The following DOCK3 variants were observed in gnomAD, a reference collection of about 807,000 sequenced individuals.
The protein encoded by DOCK3 is dedicator of cytokinesis 3.
A neutral mutation model predicts 265.6 loss-of-function variants in DOCK3; 60 were observed. That is an observed-to-expected ratio of 0.23 (90% CI 0.18 to 0.28). DOCK3 has a LOEUF of 0.28. Ranked by LOEUF, DOCK3 falls within the 10% of genes least tolerant of loss-of-function variation. The pLI is 1.00. For missense variants in DOCK3, 1,981 were observed against 2,594.3 expected (o/e 0.76, Z 5.14); for synonymous variants, 881 against 938.0 (o/e 0.94, Z 1.11).
At chr3:51,068,016 A>G (rs2081668119) in intron 6 of DOCK3, among the ~76,000 whole-genome samples, 1 of 152,204 alleles carries the variant, frequency 6.6e-6, no homozygotes, top group Admixed American at 6.5e-5. Flanking sequence ...ACATGTTAGC[A>G]TGTGAATCAG....
intron 4 of DOCK3, among the ~76,000 whole-genome samples, chr3:50,928,455 A>G (rs770465002): frequency 2.0e-5 from 3 of 152,146 alleles, no homozygotes; most frequent in Non-Finnish European, 2.9e-5. Flanking sequence ...TGATTCATCT[A>G]TGTTGTAGAA....
At chr3:51,253,057 G>C (rs2079346103) in intron 22 of DOCK3, among the ~76,000 whole-genome samples, 1 of 152,186 alleles carries the variant, frequency 6.6e-6, no homozygotes, top group Non-Finnish European at 1.5e-5. Context: ...AGTTTGTTGA[G>C]AGTTTTTAGC....
At chr3:50,720,563 T>C (rs1490074899) in intron 1 of DOCK3, among the ~76,000 whole-genome samples, 1 of 152,226 alleles carries the variant, frequency 6.6e-6, no homozygotes, top group Non-Finnish European at 1.5e-5. Flanking sequence ...AGATTGATTC[T>C]ATGTTTTTGC....
At chr3:51,245,247 G>A (rs988467185) in intron 21 of DOCK3, among the ~76,000 whole-genome samples, 2 of 152,104 alleles carry the variant, frequency 1.3e-5, no homozygotes, top group African/African-American at 4.8e-5. Context: ...TGAGACACAA[G>A]AATTGCTTGG....
chr3:50,784,929 G>T (rs2108558289), intron 2 of DOCK3, among the ~76,000 whole-genome samples: 1 of 152,296 alleles, frequency 6.6e-6, no homozygotes, highest in Non-Finnish European at 1.5e-5. Context: ...AGCCAAGGCG[G>T]GCAGATCACC....
chr3:51,074,414 A>T (rs1404859704), intron 6 of DOCK3, among the ~76,000 whole-genome samples: 1 of 152,164 alleles, frequency 6.6e-6, no homozygotes, highest in Non-Finnish European at 1.5e-5. Flanking sequence ...GTCCAGAGTT[A>T]TTTCCACTGC....
intron 1 of DOCK3, chr3:50,719,860 T>C: frequency 1.4e-6 from 1 of 699,004 alleles, no homozygotes; most frequent in South Asian, 1.5e-5. Context: ...TTTCCAGTGC[T>C]CAGAGCATGA....
intron 9 of DOCK3, among the ~76,000 whole-genome samples, chr3:51,110,309 C>G (rs1349354927): frequency 6.6e-6 from 1 of 152,108 alleles, no homozygotes; most frequent in Admixed American, 6.6e-5. Context: ...GACTCCTCCC[C>G]AACTCATTCT....
At chr3:51,326,326 T>C (rs1456248446) in intron 32 of DOCK3, among the ~76,000 whole-genome samples, 1 of 151,786 alleles carries the variant, frequency 6.6e-6, no homozygotes, top group African/African-American at 2.4e-5. Context: ...AGCAGCATGA[T>C]CTCGGCTCAC....
chr3:51,271,099 T>C, intron 24 of DOCK3, 92 bp downstream of exon 24: 3 of 1,393,166 alleles, frequency 2.2e-6, no homozygotes, highest in Non-Finnish European at 2.9e-6. Flanking sequence ...AAAGGATCAG[T>C]TTCCTCAACG....
chr3:50,916,635 C>T lies in DOCK3; in HGVS notation c.219-17346C>T, dbSNP rs138270347. ...GATCGAGACCATCCTGGTGAAACCC[C>T]GTCTCTGGTAAAAGTAGAAAAAAAT... On this transcript the variant is annotated intron_variant, in intron 4 of 52. Coordinates refer to ENST00000266037, the MANE Select transcript of DOCK3 (RefSeq NM_004947.5). 3.3e-3 allele frequency among the ~76,000 whole-genome samples: 509 copies of T among 151,982 alleles called. 2 individuals are homozygous for T. The highest frequency in any genetic ancestry group is 6.1e-3 in the Non-Finnish European group (415 of 67,988).
chr3:51,109,403 C>CAA (rs1229715155), intron 9 of DOCK3, among the ~76,000 whole-genome samples: 1 of 151,974 alleles, frequency 6.6e-6, no homozygotes, highest in Admixed American at 6.6e-5. Context: ...TTGCACTAAA[C>CAA]ACTCATATCA....
At chr3:50,773,595 GAGTTTGTT>G (rs1231919169) in intron 1 of DOCK3, among the ~76,000 whole-genome samples, 8 of 152,064 alleles carry the variant, frequency 5.3e-5, no homozygotes, top group Non-Finnish European at 2.9e-5. Context: ...CCTCGATAAA[GAGTTTGTT>G]AACGAGTAAA....
At chr3:51,314,730 T>C (rs2083274018) in intron 31 of DOCK3, among the ~76,000 whole-genome samples, 1 of 152,232 alleles carries the variant, frequency 6.6e-6, no homozygotes, top group South Asian at 2.1e-4. Context: ...AGGTAGTTTG[T>C]GGGACTGTCA....
At chr3:51,331,245 T>C (rs1281612110) in intron 33 of DOCK3, among the ~76,000 whole-genome samples, 1 of 152,232 alleles carries the variant, frequency 6.6e-6, no homozygotes. Context: ...ATTTTGTTTC[T>C]TGAGGAGTCA....
chr3:51,281,137 G>C (rs1488061310), intron 27 of DOCK3, among the ~76,000 whole-genome samples: 1 of 151,914 alleles, frequency 6.6e-6, no homozygotes, highest in Non-Finnish European at 1.5e-5. Context: ...GGTGAGCCAA[G>C]ACTGTCCTGG....
intron 5 of DOCK3, among the ~76,000 whole-genome samples, chr3:50,999,089 A>G (rs565904320): frequency 8.5e-5 from 13 of 152,390 alleles, no homozygotes; most frequent in Admixed American, 7.2e-4. Flanking sequence ...ATTTATTGCT[A>G]TCAGTGAAGC....
chr3:51,269,131 C>A (rs1280450204), intron 23 of DOCK3, among the ~76,000 whole-genome samples: 276 of 147,612 alleles, frequency 1.9e-3, no homozygotes, highest in African/African-American at 4.0e-3. Context: ...CTCTCTCTCT[C>A]TCTCTCTATA....
At chr3:51,339,716 G>A (rs2085111740) in intron 37 of DOCK3, among the ~76,000 whole-genome samples, 1 of 152,190 alleles carries the variant, frequency 6.6e-6, no homozygotes, top group Non-Finnish European at 1.5e-5. Context: ...GCATGCATGT[G>A]TGTCCTATCT....
Sources: gnomAD v4.1 joint callset for allele counts (sites outside exome capture counted in the v4.1 genomes callset) on GRCh38, gnomAD v4.1.1 for gene constraint, MANE v1.5 for transcripts, NCBI Gene and HGNC (gene_info 2026-07-23, HGNC 2026-07-21) for gene names.